SLC5A8: variants seen among roughly 807,000 people sequenced by gnomAD.
SLC5A8 encodes the protein sodium-coupled monocarboxylate transporter 1.
A neutral mutation model predicts 71.9 loss-of-function variants in SLC5A8; 55 were observed. The observed-to-expected ratio is 0.77, with a 90% CI of 0.62 to 0.96. The LOEUF (loss-of-function observed/expected upper bound fraction) is 0.96, where lower values mean the gene tolerates loss of function less well. SLC5A8 is among the 40% of genes least tolerant of loss of function. SLC5A8 has a pLI of 0.00. For synonymous variants in SLC5A8, 307 were observed against 276.1 expected (o/e 1.11, Z -1.11); for missense variants, 701 against 745.3 (o/e 0.94, Z 0.69).
In SLC5A8 at chr12:101,156,370, G is replaced by T. The variant is rs1333937857; in HGVS notation, c.*909C>A. On this transcript the variant is annotated 3_prime_UTR_variant, in exon 15 of 15. Transcript: ENST00000536262. Reference sequence around the variant, plus strand: ...TCAAGTCCATAAATACCTACATCAAGTATATGTTAGTACCAAGCTAATGGG... The same window carrying T: ...TCAAGTCCATAAATACCTACATCAATTATATGTTAGTACCAAGCTAATGGG... 1 of 152,098 alleles carries T rather than the reference G, an allele frequency of 6.6e-6. No homozygotes were observed. The highest frequency in any genetic ancestry group is 1.5e-5 in the Non-Finnish European group (1 of 68,024). 9.4% of individuals were successfully genotyped at this position (152,098 alleles called of 1,614,324 possible).
chr12:101,170,702 C>G (rs1315731074), intron 10 of SLC5A8, among the ~76,000 whole-genome samples: 1 of 152,172 alleles, frequency 6.6e-6, no homozygotes, highest in Non-Finnish European at 1.5e-5. Flanking sequence ...AATCTGTTCA[C>G]CCCACCCACA....
At position 101,157,271 on chromosome 12, in the gene SLC5A8, G is replaced by C; in HGVS notation, c.*8C>G. 1 of 1,611,120 alleles carries C rather than the reference G, an allele frequency of 6.2e-7. No individual in the cohort carries two copies. Among genetic ancestry groups the C allele is most frequent in the Non-Finnish European group, 8.5e-7 (1 of 1,178,784 alleles). ...CATCATTTAAGGATATCTAGTATCAGAGCAGCTTCACAAACGAGTCCCATT... is the reference window on the plus strand; with the variant it reads ...CATCATTTAAGGATATCTAGTATCACAGCAGCTTCACAAACGAGTCCCATT... On this transcript the variant is annotated 3_prime_UTR_variant, in exon 15 of 15. Transcript: ENST00000536262.
intron 1 of SLC5A8, 23 bp downstream of exon 1, chr12:101,209,475 T>TAC: frequency 3.2e-5 from 46 of 1,444,660 alleles, no homozygotes; most frequent in African/African-American, 4.2e-5. Flanking sequence ...CCCTGCATGG[T>TAC]CCCAGCCCAC....
chr12:101,170,600 C>G (rs899334876), intron 10 of SLC5A8, among the ~76,000 whole-genome samples: 1 of 152,176 alleles, frequency 6.6e-6, no homozygotes, highest in Non-Finnish European at 1.5e-5. Flanking sequence ...ATCCTGTTCT[C>G]TCTCTAGACA....
chr12:101,206,465 T>G (rs1320290015), intron 1 of SLC5A8, among the ~76,000 whole-genome samples: 2 of 152,204 alleles, frequency 1.3e-5, no homozygotes, highest in African/African-American at 4.8e-5. Context: ...CTGAAGCAAG[T>G]AAGTTAATCA....
chr12:101,190,647 G>A (rs1412659878), intron 5 of SLC5A8, 39 bp from the exon 6 acceptor site: 12 of 1,543,774 alleles, frequency 7.8e-6, no homozygotes, highest in African/African-American at 5.6e-5. Flanking sequence ...TGAACTATTA[G>A]CAGAGACTAA....
At position 101,182,788 on chromosome 12, in the gene SLC5A8, A is replaced by G; in HGVS notation, c.1165+15T>C. 2 of 1,537,736 alleles carry G rather than the reference A, an allele frequency of 1.3e-6. No individual in the cohort carries two copies. On this transcript the variant is annotated intron_variant, in intron 9 of 14. Coordinates refer to ENST00000536262, the MANE Select transcript of SLC5A8 (RefSeq NM_145913.5). ...CTCTCTGAGCTAAAATGGAATTATG[A>G]AAACAGAAACTTACTCATTCCTTGG...
chr12:101,179,437 A>G (rs1593370994), intron 10 of SLC5A8, among the ~76,000 whole-genome samples: 2 of 152,366 alleles, frequency 1.3e-5, no homozygotes, highest in South Asian at 2.1e-4. Context: ...ACTGTGATAC[A>G]TCCCTACCAG....
intron 12 of SLC5A8, among the ~76,000 whole-genome samples, chr12:101,164,423 T>C (rs531406370): frequency 6.6e-6 from 1 of 152,254 alleles, no homozygotes; most frequent in South Asian, 2.1e-4. Flanking sequence ...CCATCAAATA[T>C]TGTAAACTTA....
At chr12:101,172,391 TG>T (rs2051838023) in intron 10 of SLC5A8, among the ~76,000 whole-genome samples, 1 of 152,004 alleles carries the variant, frequency 6.6e-6, no homozygotes, top group Admixed American at 6.5e-5. Flanking sequence ...GGTCAGTGGG[TG>T]GGATGACTGG....
At chr12:101,158,033 C>G (rs1299195291) in intron 14 of SLC5A8, among the ~76,000 whole-genome samples, 1 of 152,032 alleles carries the variant, frequency 6.6e-6, no homozygotes, top group Non-Finnish European at 1.5e-5. Context: ...CACAGATAAG[C>G]AATAGGTATA....
intron 10 of SLC5A8, among the ~76,000 whole-genome samples, chr12:101,170,555 A>C (rs1468202734): frequency 1.3e-5 from 2 of 152,236 alleles, no homozygotes; most frequent in Non-Finnish European, 2.9e-5. Flanking sequence ...AGACACAGGC[A>C]AAAAAACTTT....
Position 101,168,080 on chromosome 12 carries a change from C to T in SLC5A8, c.1320+16G>A, listed in dbSNP as rs1206713708. On this transcript the variant is annotated intron_variant, in intron 11 of 14. Coordinates refer to ENST00000536262, the MANE Select transcript of SLC5A8 (RefSeq NM_145913.5). ...TCAAAAAGTAATCCTCAAGCATATT[C>T]ATTCTTTGTACTTACAATTGAGTTG... is the stretch of plus-strand genomic sequence containing the variant. 4 of 1,596,234 alleles carry T rather than the reference C, an allele frequency of 2.5e-6. No individual in the cohort carries two copies. The highest frequency in any genetic ancestry group is 3.4e-6 in the Non-Finnish European group (4 of 1,169,658).
At chr12:101,193,121 G>A (rs1868993133) in intron 5 of SLC5A8, among the ~76,000 whole-genome samples, 1 of 151,988 alleles carries the variant, frequency 6.6e-6, no homozygotes, top group South Asian at 2.1e-4. Flanking sequence ...ACAGGTGCCT[G>A]CCACCACACC....
intron 7 of SLC5A8, among the ~76,000 whole-genome samples, chr12:101,185,282 A>G (rs1313383594): frequency 6.6e-6 from 1 of 152,222 alleles, no homozygotes; most frequent in Admixed American, 6.5e-5. Flanking sequence ...TTTCCAAGAT[A>G]TCATAAAGGT....
At chr12:101,163,614 G>A (rs2051742290) in intron 12 of SLC5A8, among the ~76,000 whole-genome samples, 2 of 152,144 alleles carry the variant, frequency 1.3e-5, no homozygotes, top group African/African-American at 4.8e-5. Context: ...AGAGGTGGAG[G>A]TTGCATTGAA....
intron 10 of SLC5A8, among the ~76,000 whole-genome samples, chr12:101,174,516 G>C (rs898545344): frequency 1.3e-5 from 2 of 152,084 alleles, no homozygotes; most frequent in Non-Finnish European, 2.9e-5. Flanking sequence ...GTTACCAGCT[G>C]TTTCTTTCAT....
At chr12:101,171,877 A>T (rs1013035064) in intron 10 of SLC5A8, among the ~76,000 whole-genome samples, 13 of 152,240 alleles carry the variant, frequency 8.5e-5, no homozygotes, top group African/African-American at 3.1e-4. Context: ...CCGGAGTAGC[A>T]GCAAAAGAAC....
intron 8 of SLC5A8, 130 bp downstream of exon 8, chr12:101,184,002 CAT>C: frequency 5.2e-6 from 4 of 771,658 alleles, no homozygotes; most frequent in Non-Finnish European, 8.5e-6. Context: ...AGAGAGGACA[CAT>C]ACAGCAGATT....
Sources: gnomAD v4.1 joint callset for allele counts (sites outside exome capture counted in the v4.1 genomes callset) on GRCh38, gnomAD v4.1.1 for gene constraint, MANE v1.5 for transcripts, NCBI Gene and HGNC (gene_info 2026-07-23, HGNC 2026-07-21) for gene names.